XPNPEP3: variants seen among roughly 807,000 people sequenced by gnomAD.
XPNPEP3 encodes the protein X-prolyl aminopeptidase 3, also known as xaa-Pro aminopeptidase 3.
XPNPEP3 carries 41 observed loss-of-function variants against 60.0 expected under a neutral mutation model. That is an observed-to-expected ratio of 0.68 (90% CI 0.53 to 0.89). The LOEUF is 0.89. Among genes scored for constraint, XPNPEP3 ranks in the 40% least tolerant of loss-of-function variants. XPNPEP3 has a pLI of 0.00. For missense variants in XPNPEP3, 598 were observed against 638.9 expected (o/e 0.94, Z 0.69); for synonymous variants, 212 against 223.2 (o/e 0.95, Z 0.45).
At chr22:40,871,863 T>C (rs866271577) in intron 2 of XPNPEP3, among the ~76,000 whole-genome samples, 2 of 152,128 alleles carry the variant, frequency 1.3e-5, no homozygotes, top group South Asian at 4.1e-4. Context: ...TGAAATCCCG[T>C]CTCTACTAAA....
At chr22:40,909,916 C>T (rs1226469711) in intron 6 of XPNPEP3, among the ~76,000 whole-genome samples, 1 of 151,958 alleles carries the variant, frequency 6.6e-6, no homozygotes, top group Non-Finnish European at 1.5e-5. Context: ...CTTGCGGCAA[C>T]AACAGTGAGC....
intron 4 of XPNPEP3, among the ~76,000 whole-genome samples, chr22:40,888,199 T>C (rs1049703127): frequency 6.6e-6 from 1 of 152,216 alleles, no homozygotes; most frequent in Non-Finnish European, 1.5e-5. Context: ...TTTTTGTGAC[T>C]GGCTTATCTC....
At chr22:40,895,545 G>A (rs531269636) in intron 4 of XPNPEP3, among the ~76,000 whole-genome samples, 92 of 152,014 alleles carry the variant, frequency 6.1e-4, no homozygotes, top group African/African-American at 2.1e-3. Context: ...ATGTTGCCCA[G>A]GCTAATCTTG....
intron 4 of XPNPEP3, among the ~76,000 whole-genome samples, chr22:40,900,326 C>T (rs1227640747): frequency 1.3e-5 from 2 of 150,768 alleles, no homozygotes; most frequent in East Asian, 1.9e-4. Context: ...AAAAAAAGGC[C>T]GGGTACGGTG....
rs1166376331 is a variant in XPNPEP3 at position 40,914,298 on chromosome 22, C to A, written c.1029C>A (p.Ile343=). The A allele has an allele frequency of 6.2e-7, 1 of 1,614,068 alleles. No homozygotes were observed. Among genetic ancestry groups the A allele is most frequent in the Non-Finnish European group, 8.5e-7 (1 of 1,179,998 alleles). Residue 343 remains isoleucine (I), a synonymous_variant, in exon 7 of 10, where the codon ATC becomes ATA. Transcript: ENST00000357137. Reference sequence around the variant, plus strand: ...AGTCTTCCTGCTATGTGAGTGACATCACACGTACGTGGCCAGTCAATGGCA... The same window carrying A: ...AGTCTTCCTGCTATGTGAGTGACATAACACGTACGTGGCCAGTCAATGGCA... The part of the protein sequence containing the change: ...GCESSCYVSD[I]TRTWPVNGRF...
chr22:40,908,116 A>C (rs2058163182), intron 5 of XPNPEP3, among the ~76,000 whole-genome samples: 1 of 152,084 alleles, frequency 6.6e-6, no homozygotes, highest in Non-Finnish European at 1.5e-5. Flanking sequence ...CAAGTGGCTG[A>C]GACACGAGAA....
At chr22:40,909,792 A>T (rs191405504) in intron 6 of XPNPEP3, among the ~76,000 whole-genome samples, 1,890 of 151,530 alleles carry the variant, frequency 0.012, 19 homozygotes, top group Non-Finnish European at 0.02. Context: ...AAATAAATAA[A>T]TAAATATTTA....
At position 40,869,043 on chromosome 22, in the gene XPNPEP3, C is replaced by T; in HGVS notation, c.109C>T (p.Pro37Ser). The T allele has an allele frequency of 6.2e-7, 1 of 1,614,032 alleles. No homozygotes were observed. Among genetic ancestry groups the T allele is most frequent in the Non-Finnish European group, 8.5e-7 (1 of 1,179,966 alleles). The change falls in exon 2 of 10, where the codon CCA becomes TCA. Residue 37 changes from proline to serine, a missense_variant. Transcript: ENST00000357137. ...SQRRYSLQPVPERRIPNRYLG... is the reference protein window; with the variant it reads ...SQRRYSLQPVSERRIPNRYLG... ...GCGAAGGTACTCCCTTCAGCCTGTC[C>T]CAGAAAGGAGGATTCCAAACCGATA...
intron 3 of XPNPEP3, among the ~76,000 whole-genome samples, chr22:40,883,753 C>T (rs1601500118): frequency 1.3e-5 from 2 of 152,090 alleles, no homozygotes; most frequent in East Asian, 3.8e-4. Context: ...GATTTTTCTT[C>T]TGGGAATTTT....
Position 40,883,146 on chromosome 22 carries a change from T to C in XPNPEP3, c.589+969T>C, listed in dbSNP as rs557317479. On this transcript the variant is annotated intron_variant, in intron 3 of 9. Coordinates refer to ENST00000357137, the MANE Select transcript of XPNPEP3 (RefSeq NM_022098.4). ...CTTGATATTTGACAACTACTTCTTA[T>C]CTTAGTGCTCTTGCCAGCTCTTCAA... 5.3e-5 allele frequency among the ~76,000 whole-genome samples: 8 copies of C among 152,310 alleles called. No individual in the cohort carries two copies. The South Asian group carries it at 1.0e-3, about 20-fold the overall frequency.
chr22:40,915,050 C>CTTT lies in XPNPEP3; in HGVS notation c.1055+743_1055+745dup, dbSNP rs34697318. The stretch of plus-strand genomic sequence containing the variant: ...TAGGCAGAAATTGTACAAGTCCATT[C>CTTT]TTTTTTTTTTTTTTTTTTTGAGACG... On this transcript the variant is annotated intron_variant, in intron 7 of 9. Transcript: ENST00000357137. Among the ~76,000 whole-genome samples, 45 of 117,848 alleles carry CTTT rather than the reference C, an allele frequency of 3.8e-4. 1 individual carries two copies. The highest frequency in any genetic ancestry group is 5.8e-4 in the African/African-American group (18 of 30,878). The allele number at this position is 117,848 out of a possible 152,430, so 77.3% of individuals were successfully genotyped here.
At position 40,890,043 on chromosome 22, in the gene XPNPEP3, TA is replaced by T. The variant is rs1230175226; in HGVS notation, c.792+3529del. Among the ~76,000 whole-genome samples, 8 of 152,332 alleles carry T rather than the reference TA, an allele frequency of 5.3e-5. No homozygotes were observed. In the Middle Eastern group the frequency reaches 0.01, roughly 194 times the overall value. On this transcript the variant is annotated intron_variant, in intron 4 of 9. Transcript: ENST00000357137. Reference sequence around the variant, plus strand: ...TAATCTATCATTAATCAAGTCTAAATATTCATCAAGCCAATTCTCCTCCATA... The same window carrying T: ...TAATCTATCATTAATCAAGTCTAAATTTCATCAAGCCAATTCTCCTCCATA...
chr22:40,911,418 A>G (rs1340730816), intron 6 of XPNPEP3, among the ~76,000 whole-genome samples: 2 of 152,140 alleles, frequency 1.3e-5, no homozygotes, highest in Non-Finnish European at 2.9e-5. Context: ...AATGACTTGA[A>G]TTAATGTTTC....
intron 2 of XPNPEP3, among the ~76,000 whole-genome samples, chr22:40,872,081 T>G (rs1382941459): frequency 6.6e-6 from 1 of 152,148 alleles, no homozygotes; most frequent in Non-Finnish European, 1.5e-5. Flanking sequence ...TCTGAATTCT[T>G]GGGAGCTATT....
intron 7 of XPNPEP3, among the ~76,000 whole-genome samples, chr22:40,915,476 C>T (rs112617280): frequency 4.6e-5 from 7 of 151,418 alleles, no homozygotes; most frequent in African/African-American, 1.5e-4. Context: ...TCGCTTGAAC[C>T]CAGGGGACGG....
intron 7 of XPNPEP3, among the ~76,000 whole-genome samples, chr22:40,920,846 G>A (rs1314385132): frequency 1.3e-5 from 2 of 152,084 alleles, no homozygotes; most frequent in Non-Finnish European, 2.9e-5. Flanking sequence ...AGGCTGGAGT[G>A]CAATGGCGCA....
chr22:40,907,607 C>CA lies in XPNPEP3; in HGVS notation c.814dup (p.Thr272AsnfsTer3). On this transcript the variant is annotated frameshift_variant, in exon 5 of 10. Coordinates refer to ENST00000357137, the MANE Select transcript of XPNPEP3 (RefSeq NM_022098.4). LOFTEE classifies it high-confidence loss of function. ...TGCAGGCTTTCATAGAAACCATGTT[C>CA]ACCAGTAAAGCCCCTGTGGAAGAAG... is the stretch of plus-strand genomic sequence containing the variant. 6.2e-7 allele frequency: 1 copy of CA among 1,614,032 alleles called. No homozygotes were observed. Among genetic ancestry groups the CA allele is most frequent in the Non-Finnish European group, 8.5e-7 (1 of 1,179,960 alleles).
At chr22:40,922,745 C>T (rs903075954) in intron 8 of XPNPEP3, among the ~76,000 whole-genome samples, 18 of 149,488 alleles carry the variant, frequency 1.2e-4, no homozygotes, top group South Asian at 4.2e-4. Flanking sequence ...CACACACACA[C>T]ATATATATAT....
At chr22:40,861,787 T>A (rs902370648) in intron 1 of XPNPEP3, 2 of 1,613,526 alleles carry the variant, frequency 1.2e-6, no homozygotes, top group African/African-American at 2.7e-5. Context: ...AATCCTTCTG[T>A]GCCATATTTA....
Sources: gnomAD v4.1 joint callset for allele counts (sites outside exome capture counted in the v4.1 genomes callset) on GRCh38, gnomAD v4.1.1 for gene constraint, MANE v1.5 for transcripts, NCBI Gene and HGNC (gene_info 2026-07-23, HGNC 2026-07-21) for gene names.